The following ANKRD7 variants were observed in gnomAD, a reference collection of about 807,000 sequenced individuals.
ANKRD7 encodes ankyrin repeat domain 7, also known as ankyrin repeat domain-containing protein 7.
In ANKRD7, 30 loss-of-function variants were observed where a neutral mutation model predicts 30.8. The ratio of observed to expected loss-of-function variants is 0.97; its 90% CI spans 0.73 to 1.32. The LOEUF (loss-of-function observed/expected upper bound fraction) is 1.32, where lower values mean the gene tolerates loss of function less well. Ranked by LOEUF, ANKRD7 falls within the 40% of genes most tolerant of loss-of-function variation. The probability of loss-of-function intolerance (pLI) is 0.00; values close to 1 mark genes in which losing one functional copy is unlikely to be tolerated. For synonymous variants in ANKRD7, 97 were observed against 106.6 expected (o/e 0.91, Z 0.55); for missense variants, 264 against 295.7 (o/e 0.89, Z 0.79).
intron 1 of ANKRD7, among the ~76,000 whole-genome samples, chr7:118,227,049 T>A (rs1349846806): frequency 6.6e-6 from 1 of 152,178 alleles, no homozygotes; most frequent in Non-Finnish European, 1.5e-5. Context: ...AGTTCCTTTG[T>A]CTTTTTCTTT....
At chr7:118,227,929 C>CA in intron 1 of ANKRD7, 1 of 1,318,788 alleles carries the variant, frequency 7.6e-7, no homozygotes, top group Non-Finnish European at 1.0e-6. Flanking sequence ...TTAACAAAAA[C>CA]AGTGTTGTCC....
At chr7:118,239,375 C>A (rs372555607) in intron 5 of ANKRD7, among the ~76,000 whole-genome samples, 1 of 152,142 alleles carries the variant, frequency 6.6e-6, no homozygotes, top group African/African-American at 2.4e-5. Context: ...ACACCCCTGT[C>A]CCCCTACTTC....
chr7:118,235,395 G>A (rs1809710606), intron 3 of ANKRD7, among the ~76,000 whole-genome samples: 1 of 151,964 alleles, frequency 6.6e-6, no homozygotes. Context: ...GGTGGATCAC[G>A]AGGTCAGGAG....
rs1339417253 is a variant in ANKRD7, at chr7:118,234,681, T to C, written c.295-20T>C. 1.3e-6 allele frequency: 2 copies of C among 1,594,286 alleles called. No individual in the cohort carries two copies. Among genetic ancestry groups the C allele is most frequent in the African/African-American group, 2.7e-5 (2 of 73,982 alleles). On this transcript the variant is annotated intron_variant, in intron 2 of 6. Transcript: ENST00000265224. ...CCAAGTAGTAAATTGGTTACTCATC[T>C]ACTCTTGTTGCATTAACAGGCAGTA...
chr7:118,233,175 A>G (rs1312636662), intron 1 of ANKRD7, among the ~76,000 whole-genome samples: 1 of 152,124 alleles, frequency 6.6e-6, no homozygotes, highest in African/African-American at 2.4e-5. Context: ...ATGTTGTTTG[A>G]TGAATCATTT....
chr7:118,228,246 C>T (rs1278393006), intron 1 of ANKRD7, among the ~76,000 whole-genome samples: 1 of 152,104 alleles, frequency 6.6e-6, no homozygotes, highest in Non-Finnish European at 1.5e-5. Flanking sequence ...CTACTTTTAT[C>T]TTCACTCTCC....
At chr7:118,226,256 A>ATT (rs1809538990) in intron 1 of ANKRD7, among the ~76,000 whole-genome samples, 1 of 152,218 alleles carries the variant, frequency 6.6e-6, no homozygotes, top group African/African-American at 2.4e-5. Flanking sequence ...CAAAACAGGC[A>ATT]TTTGAACTCG....
At chr7:118,233,557 A>C (rs1809675094) in intron 1 of ANKRD7, among the ~76,000 whole-genome samples, 1 of 152,026 alleles carries the variant, frequency 6.6e-6, no homozygotes, top group Non-Finnish European at 1.5e-5. Flanking sequence ...TTAAGTAGTT[A>C]TCTTATTTTT....
In ANKRD7 at chr7:118,239,892, C is replaced by T. The variant is rs373637370; in HGVS notation, c.713-17C>T. 102 of 1,542,224 alleles carry T rather than the reference C, an allele frequency of 6.6e-5. No homozygotes were observed. In the African/African-American group the frequency reaches 1.2e-3, roughly 18 times the overall value. ...ATTTCTATGCATGCTGGCATTCACA[C>T]GTAATTTCCTTTATAGATAGATACC... On this transcript the variant is annotated splice_polypyrimidine_tract_variant and intron_variant, in intron 5 of 6. Transcript: ENST00000265224.
chr7:118,241,521 C>CTTTTTTTT (rs3061682), intron 6 of ANKRD7, among the ~76,000 whole-genome samples: 4,176 of 84,416 alleles, frequency 0.049, 554 homozygotes, highest in East Asian at 0.077. Context: ...TCTGAATTAC[C>CTTTTTTTT]TTTTTTTTTT....
chr7:118,225,123 G>A lies in ANKRD7; in HGVS notation c.179+114G>A, dbSNP rs1030624821. ...TGATTGTCACTCCGGGTTTCCCAAA[G>A]AAGAGAGATTGTCTGGTAACCATTG... On this transcript the variant is annotated intron_variant, in intron 1 of 6. Transcript: ENST00000265224. The A allele has an allele frequency of 4.1e-6, 5 of 1,219,684 alleles. No individual in the cohort carries two copies. In the African/African-American group the frequency reaches 6.2e-5, roughly 15 times the overall value. The allele number at this position is 1,219,684 out of a possible 1,614,324, so 75.6% of individuals were successfully genotyped here.
In ANKRD7 at chr7:118,236,857, G is replaced by T; in HGVS notation, c.643G>T (p.Val215Leu). The T allele has an allele frequency of 6.2e-7, 1 of 1,614,040 alleles. No individual in the cohort carries two copies. The highest frequency in any genetic ancestry group is 8.5e-7 in the Non-Finnish European group (1 of 1,179,908). Residue 215 changes from valine (V) to leucine (L), a missense_variant, in exon 5 of 7, where the codon GTG (valine) becomes TTG (leucine). Physicochemically the swap from Val to Leu is conservative, Grantham distance 32. Coordinates refer to ENST00000265224, the MANE Select transcript of ANKRD7 (RefSeq NM_019644.4). ...CLVKLLLQQG[V>L]ELCYEGIVDS... ...AGTAAAGCTTCTTCTTCAGCAAGGTGTGGAATTATGTTACGAAGGTATTGT... is the reference window on the plus strand; with the variant it reads ...AGTAAAGCTTCTTCTTCAGCAAGGTTTGGAATTATGTTACGAAGGTATTGT...
rs1215441232 is a variant in ANKRD7 at position 118,234,837 on chromosome 7, T to A, written c.431T>A (p.Leu144Gln). The change falls in exon 3 of 7, where the codon CTG (leucine) becomes CAG (glutamine). Residue 144 changes from leucine to glutamine, a missense_variant. Physicochemically the swap from Leu to Gln is moderately radical, Grantham distance 113. Coordinates refer to ENST00000265224, the MANE Select transcript of ANKRD7 (RefSeq NM_019644.4). ...CAAAGTTTGTCATTAGTTGAAAAAC[T>A]GCTTGAATACGAAGCTGATCTTGAA... The part of the protein sequence containing the change: ...CGQSLSLVEK[L>Q]LEYEADLEAK... The A allele has an allele frequency of 6.2e-7, 1 of 1,610,614 alleles. No homozygotes were observed.
intron 1 of ANKRD7, among the ~76,000 whole-genome samples, chr7:118,225,359 ACGCCTGTAATCCCAG>A (rs1192906750): frequency 2.7e-4 from 41 of 151,918 alleles, no homozygotes; most frequent in Admixed American, 5.9e-4. Flanking sequence ...GTGGTGGCGG[ACGCCTGTAATCCCAG>A]CTACTCAGGA....
At position 118,239,892 on chromosome 7, in the gene ANKRD7, C is replaced by A; in HGVS notation, c.713-17C>A. The stretch of plus-strand genomic sequence containing the variant: ...ATTTCTATGCATGCTGGCATTCACA[C>A]GTAATTTCCTTTATAGATAGATACC... On this transcript the variant is annotated splice_polypyrimidine_tract_variant and intron_variant, in intron 5 of 6. Transcript: ENST00000265224. 6.5e-7 allele frequency: 1 copy of A among 1,542,342 alleles called. No individual in the cohort carries two copies. The highest frequency in any genetic ancestry group is 1.7e-5 in the Admixed American group (1 of 58,592).
chr7:118,227,030 T>C (rs1164392795), intron 1 of ANKRD7, among the ~76,000 whole-genome samples: 1 of 152,184 alleles, frequency 6.6e-6, no homozygotes, highest in African/African-American at 2.4e-5. Flanking sequence ...GCTTTCATGT[T>C]ACTCTTATAG....
chr7:118,226,152 G>T (rs192042240), intron 1 of ANKRD7, among the ~76,000 whole-genome samples: 3 of 152,280 alleles, frequency 2.0e-5, no homozygotes, highest in Non-Finnish European at 2.9e-5. Context: ...AACAAGCAGA[G>T]GGACTCCCCA....
At position 118,232,342 on chromosome 7, in the gene ANKRD7, A is replaced by G. The variant is rs377069813; in HGVS notation, c.180-2089A>G. On this transcript the variant is annotated intron_variant, in intron 1 of 6. Transcript: ENST00000265224. Reference sequence around the variant, plus strand: ...TTTAAACTAAGATGACTGCTTTAAAAGGATGACAAATATTCTAAGTGAAAA... The same window carrying G: ...TTTAAACTAAGATGACTGCTTTAAAGGGATGACAAATATTCTAAGTGAAAA... Among the ~76,000 whole-genome samples, 125 of 152,214 alleles carry G rather than the reference A, an allele frequency of 8.2e-4. No homozygotes were observed. In the Middle Eastern group the frequency reaches 0.017, roughly 21 times the overall value.
chr7:118,227,076 G>GT (rs575382266), intron 1 of ANKRD7, among the ~76,000 whole-genome samples: 599 of 151,898 alleles, frequency 3.9e-3, no homozygotes, highest in African/African-American at 0.013. Flanking sequence ...GTCTTCCTTT[G>GT]TATTTTCTTG....
Sources: allele counts gnomAD v4.1 joint callset (sites outside exome capture counted in the v4.1 genomes callset), GRCh38; gene constraint gnomAD v4.1.1; transcripts MANE v1.5; gene names NCBI Gene and HGNC (gene_info 2026-07-23, HGNC 2026-07-21).